DNER: variants seen among roughly 807,000 people sequenced by gnomAD.
DNER encodes delta and Notch-like epidermal growth factor-related receptor.
A neutral mutation model predicts 78.2 loss-of-function variants in DNER; 33 were observed. The observed-to-expected ratio is 0.42, with a 90% CI of 0.32 to 0.56. The LOEUF (loss-of-function observed/expected upper bound fraction) is 0.56. Ranked by LOEUF, DNER falls within the 20% of genes least tolerant of loss-of-function variation. The pLI is 0.11. For missense variants in DNER, 918 were observed against 975.3 expected (o/e 0.94, Z 0.78); for synonymous variants, 417 against 384.8 (o/e 1.08, Z -0.98).
chr2:229,480,520 C>T (rs993773585), intron 6 of DNER, among the ~76,000 whole-genome samples: 1 of 152,194 alleles, frequency 6.6e-6, no homozygotes, highest in Admixed American at 6.5e-5. Flanking sequence ...GCACTTAATT[C>T]TTACAGATCT....
At chr2:229,595,837 C>G (rs1389661420) in intron 1 of DNER, among the ~76,000 whole-genome samples, 1 of 152,202 alleles carries the variant, frequency 6.6e-6, no homozygotes, top group South Asian at 2.1e-4. Flanking sequence ...TGATGAGGAG[C>G]CTGCTTAACA....
chr2:229,630,521 T>TAATAATAATAAA (rs938006155), intron 1 of DNER, among the ~76,000 whole-genome samples: 17 of 142,924 alleles, frequency 1.2e-4, no homozygotes, highest in Non-Finnish European at 1.7e-4. Flanking sequence ...ATAATAATAA[T>TAATAATAATAAA]AAAATCTTCT....
rs1189996091 is a variant in DNER at position 229,357,881 on chromosome 2, A to C, written c.*659T>G. 6.6e-6 allele frequency: 1 copy of C among 152,634 alleles called. No homozygotes were observed. Among genetic ancestry groups the C allele is most frequent in the Non-Finnish European group, 1.5e-5 (1 of 68,046 alleles). 9.5% of individuals were successfully genotyped at this position (152,634 alleles called of 1,614,324 possible). A position where few individuals can be genotyped will look rare whatever the true frequency, so the allele number is the denominator to read the frequency against. On this transcript the variant is annotated 3_prime_UTR_variant, in exon 13 of 13. Transcript: ENST00000341772. ...TTAAAGAAAAATATAGATTCAAATC[A>C]ATCAGAATTTGCCTCGCTAGGCCTT...
chr2:229,613,173 A>G (rs948667375), intron 1 of DNER, among the ~76,000 whole-genome samples: 1 of 152,234 alleles, frequency 6.6e-6, no homozygotes, highest in African/African-American at 2.4e-5. Flanking sequence ...ATTAACGGCC[A>G]GTTCATTCTA....
intron 1 of DNER, among the ~76,000 whole-genome samples, chr2:229,653,762 G>A (rs1435529273): frequency 6.6e-6 from 1 of 152,162 alleles, no homozygotes; most frequent in East Asian, 1.9e-4. Flanking sequence ...TTTCCCTGCT[G>A]TGGCCTCACA....
At chr2:229,538,173 A>G (rs940430040) in intron 5 of DNER, among the ~76,000 whole-genome samples, 1 of 152,228 alleles carries the variant, frequency 6.6e-6, no homozygotes, top group Non-Finnish European at 1.5e-5. Flanking sequence ...TCTCTCTCAG[A>G]GGTCCACAAA....
intron 7 of DNER, among the ~76,000 whole-genome samples, chr2:229,460,413 T>C (rs1430978253): frequency 6.6e-6 from 1 of 151,718 alleles, no homozygotes. Flanking sequence ...ACTACCAGCA[T>C]ACAAAGTCAA....
At chr2:229,641,426 C>G (rs1283898559) in intron 1 of DNER, among the ~76,000 whole-genome samples, 5 of 152,040 alleles carry the variant, frequency 3.3e-5, no homozygotes, top group African/African-American at 1.2e-4. Context: ...GAAAAGCTCC[C>G]AAAGAGTACA....
At chr2:229,504,064 G>T (rs934637564) in intron 6 of DNER, among the ~76,000 whole-genome samples, 3 of 151,850 alleles carry the variant, frequency 2.0e-5, no homozygotes, top group Admixed American at 6.6e-5. Flanking sequence ...TTCTTTTGAT[G>T]TAACTGATCT....
intron 3 of DNER, among the ~76,000 whole-genome samples, chr2:229,587,596 G>T (rs116825592): frequency 1.7e-3 from 258 of 152,362 alleles, no homozygotes; most frequent in Middle Eastern, 3.4e-3. Context: ...ACCAGGCCAC[G>T]TGTTCCCAGT....
At chr2:229,635,361 G>GAAAAAAAAAA (rs58220819) in intron 1 of DNER, among the ~76,000 whole-genome samples, 4 of 85,874 alleles carry the variant, frequency 4.7e-5, no homozygotes, top group African/African-American at 2.0e-4. Flanking sequence ...GGTCCCACAG[G>GAAAAAAAAAA]AAAAAAAAAA....
intron 1 of DNER, among the ~76,000 whole-genome samples, chr2:229,597,929 C>T (rs549665145): frequency 2.7e-4 from 41 of 152,298 alleles, no homozygotes; most frequent in African/African-American, 9.1e-4. Context: ...CAGACCTGAG[C>T]GAGGGTGCCA....
intron 8 of DNER, among the ~76,000 whole-genome samples, chr2:229,432,502 T>C (rs759090333): frequency 4.6e-5 from 7 of 152,226 alleles, no homozygotes; most frequent in Non-Finnish European, 1.0e-4. Flanking sequence ...TATAAAAGTA[T>C]AGAAGAGTTT....
chr2:229,424,680 T>A (rs563777206), intron 8 of DNER, among the ~76,000 whole-genome samples: 1 of 152,204 alleles, frequency 6.6e-6, no homozygotes, highest in East Asian at 1.9e-4. Context: ...CTTAATTACC[T>A]CTTTAAAGGC....
chr2:229,560,909 C>G (rs1354281926), intron 4 of DNER, among the ~76,000 whole-genome samples: 1 of 152,126 alleles, frequency 6.6e-6, no homozygotes, highest in Admixed American at 6.6e-5. Context: ...AAAAGTGTCA[C>G]CACACCCATG....
At chr2:229,589,777 A>G (rs1697567060) in intron 2 of DNER, among the ~76,000 whole-genome samples, 1 of 152,242 alleles carries the variant, frequency 6.6e-6, no homozygotes, top group Non-Finnish European at 1.5e-5. Context: ...TCATCCAGCA[A>G]AGAAGCATTA....
At position 229,388,365 on chromosome 2, in the gene DNER, A is replaced by G. The variant is rs1295225613; in HGVS notation, c.1755T>C (p.Cys585=). The G allele has an allele frequency of 1.2e-6, 2 of 1,611,996 alleles. No homozygotes were observed. The highest frequency in any genetic ancestry group is 1.7e-6 in the Non-Finnish European group (2 of 1,179,074). ...CACCATGGTGGCAGGGGTTACTGTC[A>G]CATTCATTTATGTCAATGTCGCACT... ...GEECDIDINE[C]DSNPCHHGGS... The change falls in exon 11 of 13, where the codon TGT becomes TGC. Residue 585 remains cysteine (C), a synonymous_variant. Coordinates refer to ENST00000341772, the MANE Select transcript of DNER (RefSeq NM_139072.4).
intron 1 of DNER, among the ~76,000 whole-genome samples, chr2:229,674,238 T>C (rs1378867719): frequency 6.6e-6 from 1 of 152,226 alleles, no homozygotes; most frequent in East Asian, 1.9e-4. Flanking sequence ...AATTTGAAAG[T>C]GTCACCCATT....
intron 1 of DNER, among the ~76,000 whole-genome samples, chr2:229,612,126 T>A (rs1323909912): frequency 6.6e-6 from 1 of 152,052 alleles, no homozygotes; most frequent in Admixed American, 6.5e-5. Flanking sequence ...CCTTAAGGAG[T>A]TAAAGTAACT....
Sources: gnomAD v4.1 joint callset for allele counts (sites outside exome capture counted in the v4.1 genomes callset) on GRCh38, gnomAD v4.1.1 for gene constraint, MANE v1.5 for transcripts, NCBI Gene and HGNC (gene_info 2026-07-23, HGNC 2026-07-21) for gene names.